Variants in ARID1B observed in about 807,000 individuals in gnomAD.
ARID1B encodes the protein AT-rich interaction domain 1B.
A neutral mutation model predicts 212.3 loss-of-function variants in ARID1B; 30 were observed. That is an observed-to-expected ratio of 0.14 (90% confidence interval 0.11 to 0.19). ARID1B has a LOEUF of 0.19. ARID1B is among the 10% of genes least tolerant of loss of function. The pLI, the probability that ARID1B is intolerant of heterozygous loss-of-function variation, is 1.00. For missense variants in ARID1B, 2,891 were observed against 3,204.0 expected (o/e 0.90, Z 2.36); for synonymous variants, 1,402 against 1,301.7 (o/e 1.08, Z -1.66).
At position 156,829,378 on chromosome 6, in the gene ARID1B, G is replaced by A. The variant is rs754042537; in HGVS notation, c.1943G>A (p.Arg648Gln). The A allele has an allele frequency of 6.8e-6, 11 of 1,614,164 alleles. No individual in the cohort carries two copies. The highest frequency in any genetic ancestry group is 2.2e-5 in the South Asian group (2 of 91,082). ...PQRYPIGIQG[R>Q]TPGAMAGMQY... ...CGGTATCCAATTGGCATCCAGGGTC[G>A]GACTCCCGGGGCCATGGCCGGAATG... is the stretch of plus-strand genomic sequence containing the variant. The change falls in exon 2 of 20, where the codon CGG (arginine) becomes CAG (glutamine). Residue 648 changes from arginine to glutamine, a missense_variant. Physicochemically the swap from Arg to Gln is conservative, Grantham distance 43. Around this residue, in one of 7 missense-constraint regions of ARID1B, gnomAD observed 1,643 missense variants for 1,544.0 expected, o/e 1.06. Coordinates refer to ENST00000636930, the MANE Select transcript of ARID1B (RefSeq NM_001374828.1).
intron 2 of ARID1B, among the ~76,000 whole-genome samples, chr6:156,882,445 G>A (rs1224966109): frequency 6.6e-6 from 1 of 152,166 alleles, no homozygotes; most frequent in Admixed American, 6.5e-5. Flanking sequence ...CCTAATCATT[G>A]CACAATAAAG....
At position 156,778,451 on chromosome 6, in the gene ARID1B, G is replaced by C. The variant is rs1778851408; in HGVS notation, c.771G>C (p.Pro257=). 7.1e-7 allele frequency: 1 copy of C among 1,408,134 alleles called. No homozygotes were observed. The highest frequency in any genetic ancestry group is 1.5e-5 in the African/African-American group (1 of 66,034). The allele number at this position is 1,408,134 out of a possible 1,614,324, so 87.2% of individuals were successfully genotyped here. A position where few individuals can be genotyped will look rare whatever the true frequency, so the allele number is the denominator to read the frequency against. The change falls in exon 1 of 20, where the codon CCG becomes CCC. Residue 257 remains proline (P), a synonymous_variant. Coordinates refer to ENST00000636930, the MANE Select transcript of ARID1B (RefSeq NM_001374828.1). ...DSAAGGQADP[P]GPPLLSKPGD... Reference sequence around the variant, plus strand: ...CTGCGGGCGGCCAGGCCGACCCCCCGGGCCCGCCGCTGCTGAGCAAGCCGG... The same window carrying C: ...CTGCGGGCGGCCAGGCCGACCCCCCCGGCCCGCCGCTGCTGAGCAAGCCGG...
chr6:157,177,278 C>T (rs1339196177), intron 11 of ARID1B, among the ~76,000 whole-genome samples: 1 of 152,192 alleles, frequency 6.6e-6, no homozygotes, highest in African/African-American at 2.4e-5. Context: ...AAAACAGCCA[C>T]TTTTTTGAAT....
chr6:157,197,365 A>G (rs941115096), intron 16 of ARID1B, among the ~76,000 whole-genome samples: 4 of 152,208 alleles, frequency 2.6e-5, no homozygotes, highest in African/African-American at 9.6e-5. Context: ...CTCACCTTTC[A>G]TCAGCCCACA....
intron 4 of ARID1B, among the ~76,000 whole-genome samples, chr6:157,030,709 G>A (rs1212456794): frequency 6.6e-6 from 1 of 152,218 alleles, no homozygotes; most frequent in Non-Finnish European, 1.5e-5. Flanking sequence ...CATATCACTT[G>A]CGGTGAAAAG....
At chr6:156,913,632 C>T (rs896187948) in intron 3 of ARID1B, among the ~76,000 whole-genome samples, 12 of 152,094 alleles carry the variant, frequency 7.9e-5, no homozygotes, top group African/African-American at 2.9e-4. Context: ...GACATCTTCC[C>T]AACTTCCAGC....
At chr6:157,160,548 C>T (rs1188080193) in intron 8 of ARID1B, among the ~76,000 whole-genome samples, 2 of 152,202 alleles carry the variant, frequency 1.3e-5, no homozygotes, top group African/African-American at 4.8e-5. Context: ...GCCCCACATT[C>T]GTTCTTCTTG....
At chr6:157,163,963 T>C (rs751479319) in intron 8 of ARID1B, among the ~76,000 whole-genome samples, 1 of 152,262 alleles carries the variant, frequency 6.6e-6, no homozygotes, top group Non-Finnish European at 1.5e-5. Context: ...GGCAAGTTAC[T>C]TAACCTTTCT....
At chr6:156,977,176 T>C (rs1777303906) in intron 4 of ARID1B, 1 of 194,880 alleles carries the variant, frequency 5.1e-6, no homozygotes, top group Admixed American at 6.1e-5. Flanking sequence ...TCTTTGTGTG[T>C]CTTTTGGTTG....
rs150055298 is a variant in ARID1B at position 156,900,289 on chromosome 6, C to G, written c.1987-1087C>G. 2.5e-3 allele frequency among the ~76,000 whole-genome samples: 373 copies of G among 152,178 alleles called. 2 individuals carry two copies. The highest frequency in any genetic ancestry group is 8.6e-3 in the African/African-American group (356 of 41,520). ...GAACTTTAACTTTTTCATTTTTTCC[C>G]CTTTTACCCCATTGTATATGTTAGG... On this transcript the variant is annotated intron_variant, in intron 2 of 19. Coordinates refer to ENST00000636930, the MANE Select transcript of ARID1B (RefSeq NM_001374828.1).
intron 4 of ARID1B, among the ~76,000 whole-genome samples, chr6:156,993,129 G>A (rs906453592): frequency 1.4e-5 from 2 of 146,972 alleles, no homozygotes; most frequent in African/African-American, 2.5e-5. Flanking sequence ...TGCAAACTCC[G>A]CCTCCCGGTT....
chr6:156,952,338 G>T (rs1165189015), intron 4 of ARID1B, among the ~76,000 whole-genome samples: 1 of 152,216 alleles, frequency 6.6e-6, no homozygotes. Context: ...CAGTTTGTGA[G>T]TGAATTTATG....
At chr6:156,879,920 A>C (rs1367515498) in intron 2 of ARID1B, among the ~76,000 whole-genome samples, 1 of 152,234 alleles carries the variant, frequency 6.6e-6, no homozygotes, top group Non-Finnish European at 1.5e-5. Flanking sequence ...AAAAACTGCA[A>C]CAAAATCTCA....
At chr6:156,860,411 TGA>T (rs1037555174) in intron 2 of ARID1B, among the ~76,000 whole-genome samples, 4 of 151,848 alleles carry the variant, frequency 2.6e-5, no homozygotes, top group Non-Finnish European at 5.9e-5. Flanking sequence ...GATTTGAAAA[TGA>T]AACAGGACAG....
rs563405917 is a variant in ARID1B at position 157,190,608 on chromosome 6, A to C, written c.4231+398A>C. Among the ~76,000 whole-genome samples the C allele has an allele frequency of 1.3e-5, 2 of 152,334 alleles. No homozygotes were observed. The highest frequency in any genetic ancestry group is 4.1e-4 in the South Asian group (2 of 4,832). Reference sequence around the variant, plus strand: ...TGGCAGCCGCGGTAAGTAAGCACGCACTTCACGGCACTTGGCATGGTGGTG... The same window carrying C: ...TGGCAGCCGCGGTAAGTAAGCACGCCCTTCACGGCACTTGGCATGGTGGTG... On this transcript the variant is annotated intron_variant, in intron 15 of 19. Transcript: ENST00000636930. The surrounding 1 kb of genome is among the most constrained non-coding windows in gnomAD (Gnocchi z 4.6).
Position 157,201,431 on chromosome 6 carries a change from G to A in ARID1B, c.5206G>A (p.Val1736Ile), listed in dbSNP as rs1193991138. ...GGAGATCACCTTTCCTCCTGGCTCA[G>A]TAGAAGCATCACAACCAGTCTTGAA... The part of the protein sequence containing the change: ...RREITFPPGS[V>I]EASQPVLKQR... The change falls in exon 18 of 20, where the codon GTA (valine) becomes ATA (isoleucine). Residue 1736 changes from valine (V) to isoleucine (I), a missense_variant. Val to Ile is a conservative substitution (Grantham distance 29). Around this residue, in one of 7 missense-constraint regions of ARID1B, gnomAD observed 666 missense variants for 873.5 expected, o/e 0.76. Transcript: ENST00000636930. This position sits in a 1 kb window ranked among gnomAD's most constrained non-coding sequence, Gnocchi z 5.2. The A allele has an allele frequency of 1.3e-6, 2 of 1,550,160 alleles. No homozygotes were observed. Among genetic ancestry groups the A allele is most frequent in the Non-Finnish European group, 1.7e-6 (2 of 1,145,634 alleles).
chr6:156,791,951 T>C (rs1384928301), intron 1 of ARID1B, among the ~76,000 whole-genome samples: 1 of 152,232 alleles, frequency 6.6e-6, no homozygotes, highest in Non-Finnish European at 1.5e-5. Flanking sequence ...TATTTCCTAA[T>C]GCTAGGAATT....
chr6:156,934,908 TTAATTATATATATATA>T (rs1792037149), intron 3 of ARID1B, among the ~76,000 whole-genome samples: 1 of 97,412 alleles, frequency 1.0e-5, no homozygotes, highest in African/African-American at 4.0e-5. Flanking sequence ...AATTTAGTTG[TTAATTATATATATATA>T]TATATATATA....
chr6:157,199,124 T>TA (rs1286854003), intron 17 of ARID1B, among the ~76,000 whole-genome samples: 7 of 152,224 alleles, frequency 4.6e-5, no homozygotes, highest in Admixed American at 4.6e-4. Context: ...TTGAAACACA[T>TA]ATGACCTGTA....
Sources: allele counts gnomAD v4.1 joint callset (sites outside exome capture counted in the v4.1 genomes callset), GRCh38; gene constraint gnomAD v4.1.1; regional missense constraint gnomAD v4.1.1; non-coding constraint Gnocchi (gnomAD v3.1); transcripts MANE v1.5; gene names NCBI Gene and HGNC (gene_info 2026-07-23, HGNC 2026-07-21).